Variants in ANKRD42 observed in about 807,000 individuals in gnomAD.
ANKRD42 encodes ankyrin repeat domain-containing protein 42.
ANKRD42 carries 43 observed loss-of-function variants against 51.5 expected under a neutral mutation model. The ratio of observed to expected loss-of-function variants is 0.83; its 90% confidence interval spans 0.65 to 1.08. The LOEUF (loss-of-function observed/expected upper bound fraction) is 1.08, where lower values mean the gene tolerates loss of function less well. Among genes scored for constraint, ANKRD42 ranks in the 50% least tolerant of loss-of-function variants. ANKRD42 has a pLI of 0.00. For missense variants in ANKRD42, 608 were observed against 629.3 expected (o/e 0.97, Z 0.36); for synonymous variants, 203 against 213.0 (o/e 0.95, Z 0.41).
chr11:83,210,016 A>G (rs557913), intron 3 of ANKRD42: 171,829 of 347,790 alleles, frequency 0.49, 45,101 homozygotes, highest in African/African-American at 0.71. Context: ...GCAACTTGAG[A>G]ATTTATGTTT....
At chr11:83,247,793 A>G (rs183085637) in intron 10 of ANKRD42, 150 bp from the exon 11 acceptor site, 11 of 776,844 alleles carry the variant, frequency 1.4e-5, no homozygotes, top group Non-Finnish European at 2.2e-5. Context: ...GTCAGTGCTC[A>G]TTCTTAGTAG....
chr11:83,253,390 T>C (rs138112207), downstream of ANKRD42, among the ~76,000 whole-genome samples: 568 of 152,346 alleles, frequency 3.7e-3, 8 homozygotes, highest in African/African-American at 0.013. Flanking sequence ...CTGTCTAGAA[T>C]TTCTCAGAGT....
At position 83,210,344 on chromosome 11, in the gene ANKRD42, G is replaced by C. The variant is rs1470237969; in HGVS notation, c.375G>C (p.Arg125=). Residue 125 remains arginine (R), a synonymous_variant, in exon 4 of 11, where the codon CGG becomes CGC. Coordinates refer to ENST00000533342, the MANE Select transcript of ANKRD42 (RefSeq NM_001300975.2). ...NGANLTAQDD[R]GCTPLHLAAT... The stretch of plus-strand genomic sequence containing the variant: ...CAAATCTGACAGCCCAGGATGACCG[G>C]GGATGCACTCCTTTACATCTTGCTG... The C allele has an allele frequency of 6.2e-7, 1 of 1,613,900 alleles. No homozygotes were observed. Among genetic ancestry groups the C allele is most frequent in the East Asian group, 2.2e-5 (1 of 44,862 alleles).
At chr11:83,220,436 C>T (rs1455135402) in intron 5 of ANKRD42, among the ~76,000 whole-genome samples, 1 of 152,172 alleles carries the variant, frequency 6.6e-6, no homozygotes, top group Non-Finnish European at 1.5e-5. Context: ...CTTTCCTGGA[C>T]ACTCCTGGCA....
At chr11:83,257,269 G>A (rs1263937089), downstream of ANKRD42, 1 of 455,138 alleles carries the variant, frequency 2.2e-6, no homozygotes. Flanking sequence ...TATGGTGAGA[G>A]GGCTCCTGCC....
At chr11:83,240,123 T>C (rs1317370089) in intron 8 of ANKRD42, among the ~76,000 whole-genome samples, 2 of 152,312 alleles carry the variant, frequency 1.3e-5, no homozygotes, top group East Asian at 3.9e-4. Flanking sequence ...AAAATTCCAG[T>C]TAGCAAAATT....
chr11:83,212,771 G>C (rs1238498080), intron 5 of ANKRD42: 1 of 1,516,630 alleles, frequency 6.6e-7, no homozygotes, highest in Non-Finnish European at 8.8e-7. Flanking sequence ...CTACTGTCCA[G>C]GATCATTTTG....
At chr11:83,208,846 G>A (rs977956136) in intron 3 of ANKRD42, among the ~76,000 whole-genome samples, 3 of 151,986 alleles carry the variant, frequency 2.0e-5, no homozygotes, top group Non-Finnish European at 4.4e-5. Context: ...TACAGGAATG[G>A]TAAAGTATAG....
chr11:83,227,592 A>G (rs1416045181), intron 6 of ANKRD42, among the ~76,000 whole-genome samples, 155 bp from the exon 7 acceptor site: 1 of 152,194 alleles, frequency 6.6e-6, no homozygotes. Flanking sequence ...CTCATTTTAT[A>G]ATTCTCTTTT....
intron 7 of ANKRD42, among the ~76,000 whole-genome samples, chr11:83,232,437 A>C (rs2135539409): frequency 6.6e-6 from 1 of 152,058 alleles, no homozygotes; most frequent in East Asian, 1.9e-4. Context: ...TTGTAAGTTG[A>C]TTTTGTGTTC....
intron 5 of ANKRD42, chr11:83,215,221 T>G (rs971263203): frequency 1.3e-5 from 2 of 152,220 alleles, no homozygotes; most frequent in Non-Finnish European, 1.5e-5. Context: ...ACATTGTTTT[T>G]TTTTCTTGTG....
chr11:83,206,280 A>T, intron 3 of ANKRD42, 115 bp downstream of exon 3: 1 of 820,784 alleles, frequency 1.2e-6, no homozygotes, highest in South Asian at 1.9e-5. Context: ...CTAAACAAGA[A>T]CTTACTGGAT....
At chr11:83,234,686 A>G (rs1033704412) in intron 7 of ANKRD42, among the ~76,000 whole-genome samples, 1 of 152,224 alleles carries the variant, frequency 6.6e-6, no homozygotes, top group Non-Finnish European at 1.5e-5. Flanking sequence ...GCTCATAAAT[A>G]TGATTTTTTG....
At chr11:83,224,401 G>A (rs1392657080) in intron 5 of ANKRD42, among the ~76,000 whole-genome samples, 2 of 151,874 alleles carry the variant, frequency 1.3e-5, no homozygotes, top group Non-Finnish European at 1.5e-5. Flanking sequence ...CCTGCTCTTC[G>A]GTGACCCTCA....
rs1863741899 is a variant in ANKRD42 at position 83,254,998 on chromosome 11, T to C, written c.1465-847T>C. On this transcript the variant is annotated intron_variant, in intron 11 of 11. Transcript: ENST00000260047. ...GGTTGTTTTTCCAGGCGGTGTTGGA[T>C]AATGGCAGCTTACTTACGTGTTCAC... 3.3e-5 allele frequency among the ~76,000 whole-genome samples: 5 copies of C among 152,316 alleles called. No individual in the cohort carries two copies. In the South Asian group the frequency reaches 1.0e-3, roughly 32 times the overall value.
At chr11:83,211,654 G>C (rs984934055) in intron 5 of ANKRD42, among the ~76,000 whole-genome samples, 2 of 150,474 alleles carry the variant, frequency 1.3e-5, no homozygotes, top group Non-Finnish European at 1.5e-5. Context: ...AAAAGTAAAA[G>C]AAAGAAAAAA....
chr11:83,211,947 A>G (rs1056681164), intron 5 of ANKRD42, among the ~76,000 whole-genome samples: 3 of 152,134 alleles, frequency 2.0e-5, no homozygotes, highest in East Asian at 1.9e-4. Context: ...TTCTGGAACC[A>G]TATCAGCAAA....
At chr11:83,256,111 T>G, downstream of ANKRD42, 1 of 447,314 alleles carries the variant, frequency 2.2e-6, no homozygotes, top group Non-Finnish European at 3.9e-6. Context: ...ACGGACTCAG[T>G]TGTGCACCTT....
At chr11:83,256,108 C>T, downstream of ANKRD42, 1 of 453,298 alleles carries the variant, frequency 2.2e-6, no homozygotes, top group Non-Finnish European at 3.9e-6. Context: ...GACACGGACT[C>T]AGTTGTGCAC....
Sources: allele counts gnomAD v4.1 joint callset (sites outside exome capture counted in the v4.1 genomes callset), GRCh38; gene constraint gnomAD v4.1.1; transcripts MANE v1.5; gene names NCBI Gene and HGNC (gene_info 2026-07-23, HGNC 2026-07-21).